Variants in CMSS1 observed in about 807,000 individuals in gnomAD.
CMSS1 encodes the protein protein CMSS1.
A neutral mutation model predicts 43.5 loss-of-function variants in CMSS1; 33 were observed. That is an observed-to-expected ratio of 0.76 (90% confidence interval 0.57 to 1.01). CMSS1 has a LOEUF of 1.01. CMSS1 is among the 50% of genes least tolerant of loss of function. CMSS1 has a pLI of 0.00. For missense variants in CMSS1, 313 were observed against 326.4 expected (o/e 0.96, Z 0.32); for synonymous variants, 115 against 117.2 (o/e 0.98, Z 0.12).
At chr3:99,877,555 C>CTATTT (rs146498760) in intron 1 of CMSS1, among the ~76,000 whole-genome samples, 1,761 of 152,286 alleles carry the variant, frequency 0.012, 18 homozygotes, top group African/African-American at 0.026. Context: ...ATACAGTATA[C>CTATTT]TAAGAGATGT....
At position 100,118,256 on chromosome 3, in the gene CMSS1, A is replaced by G. The variant is rs1559763446; in HGVS notation, c.65-28717A>G. On this transcript the variant is annotated intron_variant, in intron 1 of 9. Transcript: ENST00000421999. ...TGGTAATATGTTCTGTGTATTTACT[A>G]TTATTTTTAAAAATTGGTTTTACTA... Among the ~76,000 whole-genome samples, 3 of 151,924 alleles carry G rather than the reference A, an allele frequency of 2.0e-5. No homozygotes were observed. In the South Asian group the frequency reaches 6.2e-4, roughly 31 times the overall value.
intron 1 of CMSS1, among the ~76,000 whole-genome samples, chr3:99,944,587 G>T (rs1707952270): frequency 6.6e-6 from 1 of 152,192 alleles, no homozygotes; most frequent in Admixed American, 6.5e-5. Context: ...CACTTTATGG[G>T]TTAAAGTAAC....
chr3:99,833,047 CCA>C (rs1942748957), intron 1 of CMSS1: 4 of 609,486 alleles, frequency 6.6e-6, no homozygotes, highest in East Asian at 3.0e-5. Flanking sequence ...TCTTTTAAGA[CCA>C]CACAGTGAAT....
At chr3:100,071,267 T>G (rs2065759202) in intron 1 of CMSS1, among the ~76,000 whole-genome samples, 1 of 152,160 alleles carries the variant, frequency 6.6e-6, no homozygotes, top group East Asian at 1.9e-4. Context: ...GAGCTGAATT[T>G]GCTACATAAC....
chr3:100,020,653 T>G (rs1414941903), intron 1 of CMSS1, among the ~76,000 whole-genome samples: 4 of 152,140 alleles, frequency 2.6e-5, no homozygotes, highest in Admixed American at 2.6e-4. Flanking sequence ...CTTAAAGTTC[T>G]TAAAAAGTGT....
At chr3:100,084,193 GTAT>G (rs1559752004) in intron 1 of CMSS1, among the ~76,000 whole-genome samples, 1 of 152,130 alleles carries the variant, frequency 6.6e-6, no homozygotes, top group Non-Finnish European at 1.5e-5. Context: ...CAAAAGCTCC[GTAT>G]TGTTATTTCA....
At position 100,085,233 on chromosome 3, in the gene CMSS1, G is replaced by C. The variant is rs117884461; in HGVS notation, c.65-61740G>C. Among the ~76,000 whole-genome samples, 134 of 152,282 alleles carry C rather than the reference G, an allele frequency of 8.8e-4. No homozygotes were observed. The East Asian group carries it at 0.022, about 25-fold the overall frequency. On this transcript the variant is annotated intron_variant, in intron 1 of 9. Transcript: ENST00000421999. ...AACCAACCTGAAGTTTGCCAGAAGA[G>C]AACATTAATATTTTAGAACAGCTTA...
intron 1 of CMSS1, among the ~76,000 whole-genome samples, chr3:99,975,215 T>G (rs1249034678): frequency 6.6e-6 from 1 of 152,246 alleles, no homozygotes; most frequent in Admixed American, 6.5e-5. Flanking sequence ...GTTCACATAT[T>G]ACTTCATCCT....
intron 1 of CMSS1, among the ~76,000 whole-genome samples, chr3:100,020,489 C>T (rs1001556105): frequency 2.0e-5 from 3 of 152,088 alleles, no homozygotes; most frequent in Admixed American, 6.6e-5. Flanking sequence ...AGGCTCTAAT[C>T]GTTTTGAAGG....
Position 99,873,788 on chromosome 3 carries a change from ACT to A in CMSS1, c.64+55746_64+55747del, listed in dbSNP as rs1705363905. Among the ~76,000 whole-genome samples the A allele has an allele frequency of 7.2e-5, 11 of 152,314 alleles. 1 individual carries two copies. In the South Asian group the frequency reaches 2.3e-3, roughly 32 times the overall value. On this transcript the variant is annotated intron_variant, in intron 1 of 9. Transcript: ENST00000421999. ...GTCAAGGCTTGATTTGTGTTTTCATACTGGCTGTTACTATAGTCTCCATCACA... is the reference window on the plus strand; with the variant it reads ...GTCAAGGCTTGATTTGTGTTTTCATAGGCTGTTACTATAGTCTCCATCACA...
At chr3:99,861,643 C>T (rs557055757) in intron 1 of CMSS1, among the ~76,000 whole-genome samples, 1 of 152,294 alleles carries the variant, frequency 6.6e-6, no homozygotes, top group African/African-American at 2.4e-5. Context: ...GTCTTCCCTA[C>T]TGCCTGTTCC....
intron 1 of CMSS1, among the ~76,000 whole-genome samples, chr3:99,865,151 A>G (rs1472499621): frequency 6.6e-6 from 1 of 152,182 alleles, no homozygotes; most frequent in Non-Finnish European, 1.5e-5. Flanking sequence ...AACAATTTTT[A>G]TATGCCATGT....
intron 1 of CMSS1, among the ~76,000 whole-genome samples, chr3:99,902,499 A>G (rs1437919996): frequency 6.6e-6 from 1 of 152,176 alleles, no homozygotes; most frequent in East Asian, 1.9e-4. Flanking sequence ...TTATCTTGAT[A>G]TATAAGGGTA....
At chr3:99,965,291 A>G (rs1036250474) in intron 1 of CMSS1, among the ~76,000 whole-genome samples, 4 of 151,940 alleles carry the variant, frequency 2.6e-5, no homozygotes, top group African/African-American at 9.7e-5. Flanking sequence ...TATATGTGGG[A>G]GTTTTATAAT....
In CMSS1 at chr3:100,163,282, T is replaced by TA. The variant is rs1167673855; in HGVS notation, c.355+852dup. On this transcript the variant is annotated intron_variant, in intron 4 of 9. Coordinates refer to ENST00000421999, the MANE Select transcript of CMSS1 (RefSeq NM_032359.4). ...TTATAGACAAGAACTTTAGCCTTAA[T>TA]AAGCAATTTAGTTTTGTTGTTGCTC... 2.0e-5 allele frequency among the ~76,000 whole-genome samples: 3 copies of TA among 152,342 alleles called. No individual in the cohort carries two copies. In the East Asian group the frequency reaches 5.8e-4, roughly 29 times the overall value.
At chr3:99,842,561 T>C (rs992717799) in intron 1 of CMSS1, among the ~76,000 whole-genome samples, 1 of 149,798 alleles carries the variant, frequency 6.7e-6, no homozygotes, top group African/African-American at 2.4e-5. Context: ...ACCAGGACCA[T>C]TTGGCTATGA....
At chr3:100,111,368 G>A (rs80201690) in intron 1 of CMSS1, among the ~76,000 whole-genome samples, 2,438 of 152,254 alleles carry the variant, frequency 0.016, 29 homozygotes, top group Non-Finnish European at 0.026. Flanking sequence ...GAGGCTGTGC[G>A]TTAGAGAAAA....
chr3:100,062,093 CTTTTTTTTTTTTTTTTTTTTTTT>C (rs71907944), intron 1 of CMSS1, among the ~76,000 whole-genome samples: 1 of 53,154 alleles, frequency 1.9e-5, no homozygotes, highest in Admixed American at 2.3e-4. Flanking sequence ...CTGTCTTCTT[CTTTTTTTTTTTTTTTTTTTTTTT>C]TTTTTTTTTT....
chr3:99,873,019 A>G (rs964119003), intron 1 of CMSS1, among the ~76,000 whole-genome samples: 1 of 152,114 alleles, frequency 6.6e-6, no homozygotes, highest in Admixed American at 6.5e-5. Flanking sequence ...CAAAACATGA[A>G]TGTCCTACCT....
Sources: gnomAD v4.1 joint callset for allele counts (sites outside exome capture counted in the v4.1 genomes callset) on GRCh38, gnomAD v4.1.1 for gene constraint, MANE v1.5 for transcripts, NCBI Gene and HGNC (gene_info 2026-07-23, HGNC 2026-07-21) for gene names.